The following SETX variants were observed in gnomAD, a reference collection of about 807,000 sequenced individuals.
SETX encodes helicase senataxin.
SETX carries 90 observed loss-of-function variants against 227.2 expected under a neutral mutation model. The observed-to-expected ratio is 0.40, with a 90% CI of 0.33 to 0.47. SETX has a LOEUF of 0.47. SETX is among the 20% of genes least tolerant of loss of function. The pLI, the probability that SETX is intolerant of heterozygous loss-of-function variation, is 0.91. For synonymous variants in SETX, 1,210 were observed against 1,113.2 expected (o/e 1.09, Z -1.73); for missense variants, 3,052 against 3,181.5 (o/e 0.96, Z 0.98).
intron 20 of SETX, among the ~76,000 whole-genome samples, chr9:132,279,388 A>G (rs1428815645): frequency 6.6e-6 from 1 of 152,196 alleles, no homozygotes; most frequent in African/African-American, 2.4e-5. Context: ...TGTTGTGAAC[A>G]TGTACCCTAG....
chr9:132,315,652 C>A (rs1283487823), intron 10 of SETX, among the ~76,000 whole-genome samples: 1 of 152,222 alleles, frequency 6.6e-6, no homozygotes, highest in Non-Finnish European at 1.5e-5. Flanking sequence ...CTTCCACTCA[C>A]TTCTTTGTAC....
In SETX at chr9:132,327,535, T is replaced by C. The variant is rs1469351890; in HGVS notation, c.4063A>G (p.Arg1355Gly). The C allele has an allele frequency of 6.2e-7, 1 of 1,614,126 alleles. No individual in the cohort carries two copies. The highest frequency in any genetic ancestry group is 1.1e-5 in the South Asian group (1 of 91,086). The change falls in exon 10 of 26, where the codon AGA becomes GGA. Residue 1355 changes from arginine to glycine, a missense_variant. Transcript: ENST00000224140. ...CGTCTATTTTTTTGTGATTTGGGTCTGATCTGCCTTTGCATCTGAAGTTCT... is the reference window on the plus strand; with the variant it reads ...CGTCTATTTTTTTGTGATTTGGGTCCGATCTGCCTTTGCATCTGAAGTTCT... ...SQELQMQRQI[R>G]PKSQKNRRRL... is the part of the protein sequence containing the mutation.
intron 10 of SETX, among the ~76,000 whole-genome samples, chr9:132,324,809 T>C (rs1188814393): frequency 6.6e-6 from 1 of 152,248 alleles, no homozygotes; most frequent in Non-Finnish European, 1.5e-5. Flanking sequence ...AGAGTATTAC[T>C]GTATACACGA....
chr9:132,351,357 T>A (rs1342407994), intron 2 of SETX, among the ~76,000 whole-genome samples: 1 of 152,226 alleles, frequency 6.6e-6, no homozygotes, highest in African/African-American at 2.4e-5. Context: ...CTTACCTTAC[T>A]TGAAGCTCCA....
Position 132,326,636 on chromosome 9 carries a change from A to G in SETX, c.4962T>C (p.Asn1654=). Residue 1654 remains asparagine (N), a synonymous_variant, in exon 10 of 26, where the codon AAT becomes AAC. Coordinates refer to ENST00000224140, the MANE Select transcript of SETX (RefSeq NM_015046.7). ...ACTGAGGATGAAGAACATTGCACGA[A>G]TTCTTCATTTCACCAACTGGCTTCT... is the stretch of plus-strand genomic sequence containing the variant. The part of the protein sequence containing the change: ...IAQKPVGEMK[N]SCNVLHPQSP... 1 of 1,613,826 alleles carries G rather than the reference A, an allele frequency of 6.2e-7. No individual in the cohort carries two copies. Among genetic ancestry groups the G allele is most frequent in the Non-Finnish European group, 8.5e-7 (1 of 1,179,756 alleles).
intron 5 of SETX, among the ~76,000 whole-genome samples, chr9:132,337,515 A>T (rs900579670): frequency 6.6e-6 from 1 of 152,140 alleles, no homozygotes. Flanking sequence ...AATACATTAT[A>T]TAGGCATATG....
chr9:132,278,062 G>A lies in SETX; in HGVS notation c.6842+8C>T. 1.2e-6 allele frequency: 2 copies of A among 1,611,506 alleles called. No homozygotes were observed. Among genetic ancestry groups the A allele is most frequent in the South Asian group, 1.1e-5 (1 of 91,000 alleles). On this transcript the variant is annotated splice_region_variant and intron_variant, in intron 21 of 25. Transcript: ENST00000224140. ...AAAATAAGGTCACAAACAATAAGGGGAACTCACCTATTTGTTTTTAAGTTT... is the reference window on the plus strand; with the variant it reads ...AAAATAAGGTCACAAACAATAAGGGAAACTCACCTATTTGTTTTTAAGTTT...
intron 15 of SETX, among the ~76,000 whole-genome samples, chr9:132,292,736 TCTC>T (rs1405570584): frequency 6.6e-6 from 1 of 151,684 alleles, no homozygotes; most frequent in Non-Finnish European, 1.5e-5. Flanking sequence ...TTCACCCCAT[TCTC>T]CTGCCTCAGC....
chr9:132,293,774 G>A (rs11243717), intron 15 of SETX, among the ~76,000 whole-genome samples: 8,540 of 152,096 alleles, frequency 0.056, 370 homozygotes, highest in East Asian at 0.25. Context: ...TGTAACCCCA[G>A]CACTTTGGGA....
intron 25 of SETX, 108 bp downstream of exon 25, chr9:132,269,507 C>A: frequency 1.2e-6 from 2 of 1,602,062 alleles, no homozygotes; most frequent in Non-Finnish European, 1.7e-6. Flanking sequence ...ACATAACAAC[C>A]ATTATTTTGT....
intron 11 of SETX, among the ~76,000 whole-genome samples, chr9:132,305,432 G>T (rs113158786): frequency 3.2e-4 from 47 of 148,474 alleles, no homozygotes; most frequent in African/African-American, 1.1e-3. Context: ...TTTTTAAAAA[G>T]GACAAGAAAC....
chr9:132,340,843 G>A (rs1847914074), intron 5 of SETX, among the ~76,000 whole-genome samples: 1 of 152,176 alleles, frequency 6.6e-6, no homozygotes, highest in South Asian at 2.1e-4. Context: ...GCAATGATGA[G>A]GGAGAACTGG....
intron 15 of SETX, among the ~76,000 whole-genome samples, chr9:132,291,764 A>G (rs1049861368): frequency 1.3e-5 from 2 of 152,166 alleles, no homozygotes; most frequent in African/African-American, 4.8e-5. Flanking sequence ...TATAATTTAC[A>G]TTCAGTAAAA....
chr9:132,340,999 G>T (rs1847924434), intron 5 of SETX, among the ~76,000 whole-genome samples: 1 of 152,070 alleles, frequency 6.6e-6, no homozygotes, highest in Non-Finnish European at 1.5e-5. Flanking sequence ...GAGTGAAAAG[G>T]AATTCACAAA....
At chr9:132,316,842 C>T (rs990594902) in intron 10 of SETX, among the ~76,000 whole-genome samples, 6 of 152,170 alleles carry the variant, frequency 3.9e-5, no homozygotes, top group African/African-American at 1.2e-4. Context: ...GAAACAGCTT[C>T]GTAGCAGATA....
At chr9:132,281,807 G>A (rs1406379983) in intron 19 of SETX, among the ~76,000 whole-genome samples, 1 of 152,066 alleles carries the variant, frequency 6.6e-6, no homozygotes, top group African/African-American at 2.4e-5. Context: ...GGGAGGCCGA[G>A]GTGGGTGGAT....
intron 7 of SETX, among the ~76,000 whole-genome samples, chr9:132,333,253 C>A (rs900659514): frequency 2.6e-5 from 4 of 151,206 alleles, no homozygotes; most frequent in African/African-American, 9.7e-5. Context: ...GTGGTGCATA[C>A]CTGTAATCCC....
Position 132,339,337 on chromosome 9 carries a change from T to A in SETX, c.499-2822A>T, listed in dbSNP as rs150325495. Among the ~76,000 whole-genome samples the A allele has an allele frequency of 4.5e-4, 69 of 152,146 alleles. No individual in the cohort carries two copies. In the East Asian group the frequency reaches 4.8e-3, roughly 11 times the overall value. On this transcript the variant is annotated intron_variant, in intron 5 of 25. Coordinates refer to ENST00000224140, the MANE Select transcript of SETX (RefSeq NM_015046.7). ...ATCTCTACAAAAAATTAGCTGGGCATGGTGACCGAGGAAGGAGATTTTGGT... is the reference window on the plus strand; with the variant it reads ...ATCTCTACAAAAAATTAGCTGGGCAAGGTGACCGAGGAAGGAGATTTTGGT...
Position 132,311,839 on chromosome 9 carries a change from G to T in SETX, c.5292C>A (p.Leu1764=), listed in dbSNP as rs1229093137. The T allele has an allele frequency of 1.2e-6, 2 of 1,613,094 alleles. No homozygotes were observed. The highest frequency in any genetic ancestry group is 1.7e-6 in the Non-Finnish European group (2 of 1,179,426). Residue 1764 remains leucine, a synonymous_variant, in exon 11 of 26, where the codon CTC becomes CTA. Coordinates refer to ENST00000224140, the MANE Select transcript of SETX (RefSeq NM_015046.7). ...AGAAATTCTCTCTATTTGGAGAGTT[G>T]AGCCATTCTTGTGCCACCTATACAA... is the stretch of plus-strand genomic sequence containing the variant. ...NTFETVAQEW[L]NSPNRENFYQ...
Sources: gnomAD v4.1 joint callset for allele counts (sites outside exome capture counted in the v4.1 genomes callset) on GRCh38, gnomAD v4.1.1 for gene constraint, MANE v1.5 for transcripts, NCBI Gene and HGNC (gene_info 2026-07-23, HGNC 2026-07-21) for gene names.